SPG11: variants seen among roughly 807,000 people sequenced by gnomAD.
SPG11 encodes the protein spatacsin.
A neutral mutation model predicts 274.0 loss-of-function variants in SPG11; 222 were observed. The observed-to-expected ratio is 0.81, with a 90% CI of 0.73 to 0.91. The LOEUF (loss-of-function observed/expected upper bound fraction) is 0.91, where lower values mean the gene tolerates loss of function less well. Ranked by LOEUF, SPG11 falls within the 40% of genes least tolerant of loss-of-function variation. The pLI, the probability that SPG11 is intolerant of heterozygous loss-of-function variation, is 0.00. For synonymous variants in SPG11, 1,144 were observed against 1,039.7 expected (o/e 1.10, Z -1.93); for missense variants, 3,114 against 2,872.7 (o/e 1.08, Z -1.92).
chr15:44,596,041 T>A, intron 25 of SPG11, 42 bp downstream of exon 25: 1 of 1,610,644 alleles, frequency 6.2e-7, no homozygotes, highest in South Asian at 1.1e-5. Context: ...ACTTATTCTA[T>A]TGTTCTCTGG....
chr15:44,589,709 A>G (rs1221085304), intron 27 of SPG11, among the ~76,000 whole-genome samples: 2 of 152,268 alleles, frequency 1.3e-5, no homozygotes, highest in African/African-American at 2.4e-5. Context: ...TGCTAACTAC[A>G]GAGTTAATGT....
Position 44,566,220 on chromosome 15 carries a change from G to T in SPG11, c.6840C>A (p.Ala2280=), listed in dbSNP as rs760995829. Residue 2280 remains alanine (A), a synonymous_variant, in exon 37 of 40, where the codon GCC becomes GCA. Coordinates refer to ENST00000261866, the MANE Select transcript of SPG11 (RefSeq NM_025137.4). ...TLMLDAAESY[A]KDSCVRQAQH... The stretch of plus-strand genomic sequence containing the variant: ...CTGAAAAAAGCCTTTGGGTTACCTT[G>T]GCATAACTCTCTGCTGCATCCAACA... 6.2e-7 allele frequency: 1 copy of T among 1,614,156 alleles called. No individual in the cohort carries two copies. Among genetic ancestry groups the T allele is most frequent in the Non-Finnish European group, 8.5e-7 (1 of 1,180,000 alleles).
chr15:44,656,748 G>A (rs573819568), intron 4 of SPG11, among the ~76,000 whole-genome samples: 10 of 152,302 alleles, frequency 6.6e-5, no homozygotes, highest in African/African-American at 1.7e-4. Context: ...TTCTCAAGGA[G>A]CTTATAAACT....
At chr15:44,581,890 T>C (rs1268662206) in intron 30 of SPG11, among the ~76,000 whole-genome samples, 1 of 152,008 alleles carries the variant, frequency 6.6e-6, no homozygotes, top group Non-Finnish European at 1.5e-5. Flanking sequence ...TCTAAAAAAA[T>C]AAAATTAAAC....
chr15:44,657,025 C>A (rs558260755), intron 4 of SPG11, 70 bp downstream of exon 4: 11 of 1,326,880 alleles, frequency 8.3e-6, no homozygotes, highest in African/African-American at 3.0e-5. Flanking sequence ...AAAAAACTAA[C>A]GAGGATATTT....
intron 16 of SPG11, among the ~76,000 whole-genome samples, chr15:44,614,189 T>C (rs770312558): frequency 6.6e-6 from 1 of 152,222 alleles, no homozygotes; most frequent in Non-Finnish European, 1.5e-5. Context: ...GTAAGACTAA[T>C]GATATGACAT....
chr15:44,588,209 A>C (rs1465849342), intron 28 of SPG11, among the ~76,000 whole-genome samples: 2 of 152,182 alleles, frequency 1.3e-5, no homozygotes, highest in Non-Finnish European at 2.9e-5. Context: ...TGAAATTATC[A>C]AACAAGTGGA....
In SPG11 at chr15:44,592,335, T is replaced by C. The variant is rs1035956118; in HGVS notation, c.4739A>G (p.Glu1580Gly). 3 of 1,594,052 alleles carry C rather than the reference T, an allele frequency of 1.9e-6. No homozygotes were observed. The Admixed American group carries it at 5.0e-5, about 27-fold the overall frequency. Residue 1580 changes from glutamate to glycine, a missense_variant, in exon 27 of 40, where the codon GAA becomes GGA. Physicochemically the swap from Glu to Gly is moderately conservative, Grantham distance 98. Transcript: ENST00000261866. ...AGCACCATAATTCCAACTTACCGTT[T>C]CAAGGCTCTTCTGAAACTCCAGAAG... is the stretch of plus-strand genomic sequence containing the variant. ...AKLLEFQKSLETLNTAATKVH... is the reference protein window; with the variant it reads ...AKLLEFQKSLGTLNTAATKVH...
chr15:44,567,538 C>T lies in SPG11; in HGVS notation c.6640G>A (p.Asp2214Asn). The T allele has an allele frequency of 6.2e-7, 1 of 1,613,962 alleles. No individual in the cohort carries two copies. Among genetic ancestry groups the T allele is most frequent in the Non-Finnish European group, 8.5e-7 (1 of 1,179,998 alleles). The change falls in exon 36 of 40, where the codon GAC becomes AAC. Residue 2214 changes from aspartate (D) to asparagine (N), a missense_variant. Physicochemically the swap from Asp to Asn is conservative, Grantham distance 23. Coordinates refer to ENST00000261866, the MANE Select transcript of SPG11 (RefSeq NM_025137.4). Reference protein sequence around the residue: ...LDYIKRCRPGDSEKHNMIALC... With the variant: ...LDYIKRCRPGNSEKHNMIALC... ...GCAATCATATTGTGCTTTTCACTGT[C>T]TCCAGGACGGCAGCGTTTGATGTAG...
intron 15 of SPG11, among the ~76,000 whole-genome samples, chr15:44,618,265 T>C (rs2083641453): frequency 2.6e-5 from 4 of 151,746 alleles, no homozygotes; most frequent in Non-Finnish European, 1.5e-5. Context: ...TCCCAGCACT[T>C]TGGGAGGCCA....
At chr15:44,636,677 AC>A (rs2084264453) in intron 7 of SPG11, among the ~76,000 whole-genome samples, 3 of 151,698 alleles carry the variant, frequency 2.0e-5, no homozygotes, top group Admixed American at 6.6e-5. Flanking sequence ...AAACAAAAAA[AC>A]AAATGTGGTT....
chr15:44,598,788 G>C lies in SPG11; in HGVS notation c.3735C>G (p.Phe1245Leu). The change falls in exon 22 of 40, where the codon TTC becomes TTG. Residue 1245 changes from phenylalanine to leucine, a missense_variant. Phe to Leu is a conservative substitution (Grantham distance 22). Transcript: ENST00000261866. ...ATGCAGCTCCTATTGAAGGTATGTG[G>C]AAGGAGGAGAGCCCTATAACATAGG... ...NEAYVIGLSS[F>L]HIPSIGAACV... 6.2e-7 allele frequency: 1 copy of C among 1,614,196 alleles called. No individual in the cohort carries two copies. The highest frequency in any genetic ancestry group is 1.1e-5 in the South Asian group (1 of 91,080).
chr15:44,566,694 A>G (rs1057297834), intron 36 of SPG11, among the ~76,000 whole-genome samples: 2 of 151,958 alleles, frequency 1.3e-5, no homozygotes, highest in African/African-American at 2.4e-5. Context: ...TGAGCGACAT[A>G]CCCACCTCAA....
At chr15:44,606,127 T>C (rs1282916543) in intron 19 of SPG11, 36 bp from the exon 20 acceptor site, 4 of 1,588,666 alleles carry the variant, frequency 2.5e-6, no homozygotes, top group Non-Finnish European at 2.6e-6. Context: ...AATTAGAAGT[T>C]CACTGATTAT....
chr15:44,661,523 T>C (rs2085105742), intron 1 of SPG11, among the ~76,000 whole-genome samples: 1 of 152,024 alleles, frequency 6.6e-6, no homozygotes, highest in South Asian at 2.1e-4. Context: ...GTAATAAAAC[T>C]AATAAGAGTA....
intron 35 of SPG11, among the ~76,000 whole-genome samples, chr15:44,568,360 C>T (rs1428969163): frequency 6.6e-6 from 1 of 152,222 alleles, no homozygotes; most frequent in African/African-American, 2.4e-5. Context: ...ACTTGCTCCT[C>T]ACTTGATGAC....
intron 10 of SPG11, among the ~76,000 whole-genome samples, chr15:44,627,821 C>A (rs1021082253): frequency 6.6e-6 from 1 of 152,066 alleles, no homozygotes; most frequent in Admixed American, 6.6e-5. Flanking sequence ...GAACTCCTGA[C>A]CTTGTGATCT....
At chr15:44,616,450 G>C (rs2083595215) in intron 15 of SPG11, among the ~76,000 whole-genome samples, 1 of 152,034 alleles carries the variant, frequency 6.6e-6, no homozygotes, top group South Asian at 2.1e-4. Context: ...CTCCTGCCTA[G>C]GCCTCCCAAA....
intron 4 of SPG11, 70 bp downstream of exon 4, chr15:44,657,025 C>T (rs558260755): frequency 1.2e-5 from 16 of 1,326,898 alleles, no homozygotes; most frequent in South Asian, 8.1e-5. Context: ...AAAAAACTAA[C>T]GAGGATATTT....
Sources: allele counts gnomAD v4.1 joint callset (sites outside exome capture counted in the v4.1 genomes callset), GRCh38; gene constraint gnomAD v4.1.1; transcripts MANE v1.5; gene names NCBI Gene and HGNC (gene_info 2026-07-23, HGNC 2026-07-21).